Variants in MYH10 observed in about 807,000 individuals in gnomAD.
MYH10 encodes the protein myosin heavy chain 10.
MYH10 carries 55 observed loss-of-function variants against 257.8 expected under a neutral mutation model. The observed-to-expected ratio is 0.21, with a 90% CI of 0.17 to 0.27. MYH10 has a LOEUF of 0.27. Ranked by LOEUF, MYH10 falls within the 10% of genes least tolerant of loss-of-function variation. The pLI, the probability that MYH10 is intolerant of heterozygous loss-of-function variation, is 1.00. For missense variants in MYH10, 1,631 were observed against 2,500.6 expected (o/e 0.65, Z 7.42); for synonymous variants, 854 against 921.7 (o/e 0.93, Z 1.33).
rs202001535 is a variant in MYH10 at position 8,503,776 on chromosome 17, A to G, written c.3599+918T>C. On this transcript the variant is annotated intron_variant, in intron 28 of 42. Transcript: ENST00000360416. ...TCTTGCTTTATTCCAGGCCTCAGCA[A>G]CTCCCCAGGGTGATGGGCTATCCTT... Among the ~76,000 whole-genome samples, 6 of 152,034 alleles carry G rather than the reference A, an allele frequency of 3.9e-5. No individual in the cohort carries two copies. The East Asian group carries it at 9.7e-4, about 24-fold the overall frequency.
rs114090361 is a variant in MYH10, at chr17:8,545,153, C to T, written c.1431+295G>A. Among the ~76,000 whole-genome samples, 87 of 152,338 alleles carry T rather than the reference C, an allele frequency of 5.7e-4. No individual in the cohort carries two copies. The highest frequency in any genetic ancestry group is 1.9e-3 in the African/African-American group (80 of 41,574). ...TACTCTCATTATGCCGGGAAACTGA[C>T]CGAGGCTGGCAGCTTCTCATCCTTC... On this transcript the variant is annotated intron_variant, in intron 13 of 42. Transcript: ENST00000360416. The surrounding 1 kb of genome is among the most constrained non-coding windows in gnomAD (Gnocchi z 4.7).
chr17:8,539,840 C>G (rs750312259), intron 14 of MYH10, among the ~76,000 whole-genome samples: 3 of 152,134 alleles, frequency 2.0e-5, no homozygotes, highest in Non-Finnish European at 4.4e-5. Flanking sequence ...CCTCTTGCCT[C>G]AGCTTTCCAA....
chr17:8,629,810 T>C (rs1283616719), intron 1 of MYH10, among the ~76,000 whole-genome samples: 2 of 150,954 alleles, frequency 1.3e-5, no homozygotes, highest in Non-Finnish European at 3.0e-5. Flanking sequence ...TCAAACCGCC[T>C]GGGCCTCGCA....
At chr17:8,617,216 G>A (rs928499586) in intron 2 of MYH10, among the ~76,000 whole-genome samples, 1 of 152,104 alleles carries the variant, frequency 6.6e-6, no homozygotes, top group African/African-American at 2.4e-5. Context: ...AGGAGACTAA[G>A]GGTGAGAAGA....
At chr17:8,511,021 T>TATATATATATAA (rs2081253849) in intron 24 of MYH10, 4 of 3,640 alleles carry the variant, frequency 1.1e-3, no homozygotes, top group African/African-American at 1.3e-3. Context: ...ACCCCATATA[T>TATATATATATAA]ATATATATAT....
chr17:8,605,500 C>T (rs1030410481), intron 2 of MYH10, among the ~76,000 whole-genome samples: 7 of 152,126 alleles, frequency 4.6e-5, no homozygotes, highest in Admixed American at 1.3e-4. Flanking sequence ...AATCCCAGCA[C>T]TTTGAGAGGC....
Position 8,500,851 on chromosome 17 carries a change from G to A in MYH10, c.3719C>T (p.Ser1240Leu). 6.2e-7 allele frequency: 1 copy of A among 1,613,652 alleles called. No homozygotes were observed. Among genetic ancestry groups the A allele is most frequent in the Non-Finnish European group, 8.5e-7 (1 of 1,180,014 alleles). Residue 1240 changes from serine (S) to leucine (L), a missense_variant, in exon 29 of 43, where the codon TCA becomes TTA. Physicochemically the swap from Ser to Leu is moderately radical, Grantham distance 145. Coordinates refer to ENST00000360416, the MANE Select transcript of MYH10 (RefSeq NM_001256012.3). ...CCGCTTGGCCTGTTCCAGCTGCTCT[G>A]AGAGCTCCTCCAGGGCTGTTGCGTG... Reference protein sequence around the residue: ...QRHATALEELSEQLEQAKRFK... With the variant: ...QRHATALEELLEQLEQAKRFK...
At chr17:8,578,327 C>G (rs1403737937) in intron 4 of MYH10, among the ~76,000 whole-genome samples, 4 of 147,892 alleles carry the variant, frequency 2.7e-5, no homozygotes, top group Non-Finnish European at 4.4e-5. Context: ...ATTACAACCT[C>G]TGCCTCCTGG....
At chr17:8,617,231 G>A (rs1456345148) in intron 2 of MYH10, among the ~76,000 whole-genome samples, 1 of 152,152 alleles carries the variant, frequency 6.6e-6, no homozygotes, top group African/African-American at 2.4e-5. Context: ...AGAAGAGAAG[G>A]TCAGGATATT....
intron 7 of MYH10, chr17:8,560,571 G>A (rs927963862): frequency 1.2e-6 from 1 of 816,268 alleles, no homozygotes; most frequent in Non-Finnish European, 2.0e-6. Context: ...CAAAAACAGT[G>A]GAAAACTTTC....
At chr17:8,478,598 ACCTTT>A in intron 40 of MYH10, 152 bp from the exon 41 acceptor site, 1 of 682,154 alleles carries the variant, frequency 1.5e-6, no homozygotes, top group Admixed American at 2.8e-5. Context: ...ATGTGCTGAA[ACCTTT>A]CCTTCTGGTC....
At chr17:8,564,568 A>T (rs1437174650) in intron 7 of MYH10, among the ~76,000 whole-genome samples, 2 of 152,176 alleles carry the variant, frequency 1.3e-5, no homozygotes, top group African/African-American at 4.8e-5. Flanking sequence ...AAAACATATT[A>T]AAGTTAACAC....
intron 2 of MYH10, among the ~76,000 whole-genome samples, chr17:8,622,063 G>T (rs2085487376): frequency 6.6e-6 from 1 of 152,146 alleles, no homozygotes; most frequent in South Asian, 2.1e-4. Context: ...ATGACCTTCA[G>T]TAGCACACTC....
At chr17:8,524,868 T>A (rs1169303864) in intron 17 of MYH10, among the ~76,000 whole-genome samples, 1 of 152,190 alleles carries the variant, frequency 6.6e-6, no homozygotes, top group Non-Finnish European at 1.5e-5. Flanking sequence ...AGCATAGCAA[T>A]GGCCTTCACT....
rs770553418 is a variant in MYH10 at position 8,475,942 on chromosome 17, A to G, written c.5886T>C (p.Gly1962=). ...GGCTGGAAGAGAAGCTGATGGGGCC[A>G]CCCCGCCTGGAGAACACAGGAAGCA... ...VSTLKNRLRR[G]GPISFSSSRS... The change falls in exon 43 of 43, where the codon GGT becomes GGC. Residue 1962 remains glycine (G), a synonymous_variant. Transcript: ENST00000360416. 3 of 1,612,690 alleles carry G rather than the reference A, an allele frequency of 1.9e-6. No homozygotes were observed. Among genetic ancestry groups the G allele is most frequent in the South Asian group, 2.2e-5 (2 of 91,010 alleles).
chr17:8,489,708 A>ACACACACACACACACACACACAC (rs1555570829), intron 35 of MYH10, among the ~76,000 whole-genome samples: 3,371 of 92,910 alleles, frequency 0.036, 206 homozygotes, highest in East Asian at 0.043. Context: ...CGTCTGAAAA[A>ACACACACACACACACACACACAC]ACACACACAC....
intron 7 of MYH10, among the ~76,000 whole-genome samples, chr17:8,565,754 C>T (rs1370219092): frequency 1.3e-5 from 2 of 152,172 alleles, no homozygotes; most frequent in Non-Finnish European, 2.9e-5. Context: ...ATGGCTAATT[C>T]CTGCTTCTTT....
intron 3 of MYH10, among the ~76,000 whole-genome samples, chr17:8,595,720 C>T (rs756136904): frequency 2.6e-5 from 4 of 152,094 alleles, no homozygotes; most frequent in Non-Finnish European, 4.4e-5. Context: ...CATGAGTCAC[C>T]AAGCCCGGCC....
intron 36 of MYH10, 87 bp from the exon 37 acceptor site, chr17:8,484,353 GT>G (rs1914397423): frequency 1.5e-6 from 2 of 1,342,638 alleles, no homozygotes; most frequent in South Asian, 2.9e-5. Context: ...CCCTGGCTGT[GT>G]TGCCCAGGCT....
Sources: allele counts gnomAD v4.1 joint callset (sites outside exome capture counted in the v4.1 genomes callset), GRCh38; gene constraint gnomAD v4.1.1; non-coding constraint Gnocchi (gnomAD v3.1); transcripts MANE v1.5; gene names NCBI Gene and HGNC (gene_info 2026-07-23, HGNC 2026-07-21).